Variants in SLC10A7 observed in about 807,000 individuals in gnomAD.
The protein encoded by SLC10A7 is solute carrier family 10 member 7.
A neutral mutation model predicts 43.2 loss-of-function variants in SLC10A7; 29 were observed. The observed-to-expected ratio is 0.67, with a 90% CI of 0.50 to 0.92. The LOEUF (loss-of-function observed/expected upper bound fraction) is 0.92. Among genes scored for constraint, SLC10A7 ranks in the 40% least tolerant of loss-of-function variants. The pLI is 0.00. For synonymous variants in SLC10A7, 152 were observed against 144.8 expected (o/e 1.05, Z -0.35); for missense variants, 295 against 403.2 (o/e 0.73, Z 2.30).
intron 2 of SLC10A7, chr4:146,515,128 C>T (rs750671096): frequency 2.8e-5 from 20 of 702,174 alleles, no homozygotes; most frequent in Admixed American, 1.6e-4. Flanking sequence ...TTGGCTGCTT[C>T]GCAGAATCGC....
chr4:146,481,865 T>A (rs1180261486), intron 4 of SLC10A7, among the ~76,000 whole-genome samples: 3 of 152,194 alleles, frequency 2.0e-5, no homozygotes, highest in African/African-American at 7.2e-5. Flanking sequence ...CTTTGAGCTA[T>A]GCAGACCCAA....
intron 5 of SLC10A7, among the ~76,000 whole-genome samples, chr4:146,405,722 T>C (rs1451247903): frequency 2.6e-4 from 39 of 152,274 alleles, no homozygotes; most frequent in Non-Finnish European, 5.9e-5. Flanking sequence ...ACAAATACCT[T>C]GGATATTCAA....
intron 10 of SLC10A7, among the ~76,000 whole-genome samples, chr4:146,261,427 C>A (rs1038123910): frequency 5.0e-5 from 6 of 120,828 alleles, no homozygotes; most frequent in Non-Finnish European, 2.1e-5. Flanking sequence ...TTTGCCCCCC[C>A]AGCTCCAGCT....
intron 5 of SLC10A7, among the ~76,000 whole-genome samples, chr4:146,366,748 T>C (rs1736419584): frequency 6.6e-6 from 1 of 152,218 alleles, no homozygotes. Context: ...ACTATTTTTA[T>C]AATAAAACAG....
intron 9 of SLC10A7, among the ~76,000 whole-genome samples, chr4:146,292,009 G>A (rs994110725): frequency 1.3e-5 from 2 of 152,224 alleles, no homozygotes; most frequent in Non-Finnish European, 2.9e-5. Context: ...GAGGAACCAG[G>A]ACATGGAGAC....
At chr4:146,446,780 CTAT>C in intron 4 of SLC10A7, among the ~76,000 whole-genome samples, 1 of 151,566 alleles carries the variant, frequency 6.6e-6, no homozygotes, top group African/African-American at 2.4e-5. Context: ...ATCTATCTAT[CTAT>C]CTATCTATCT....
At chr4:146,376,437 C>T (rs530950940) in intron 5 of SLC10A7, among the ~76,000 whole-genome samples, 15 of 152,088 alleles carry the variant, frequency 9.9e-5, no homozygotes, top group African/African-American at 2.9e-4. Flanking sequence ...CACCCTGGCC[C>T]ACCACACCCC....
chr4:146,381,820 A>G (rs1737643242), intron 5 of SLC10A7, among the ~76,000 whole-genome samples: 1 of 152,082 alleles, frequency 6.6e-6, no homozygotes, highest in African/African-American at 2.4e-5. Context: ...CCATATTATC[A>G]ATCACCTAGA....
At chr4:146,491,834 G>A (rs12711436) in intron 4 of SLC10A7, among the ~76,000 whole-genome samples, 111,761 of 152,072 alleles carry the variant, frequency 0.73, 41,466 homozygotes, top group East Asian at 0.83. Context: ...TATTCAGACC[G>A]TTTGTTTGGA....
intron 5 of SLC10A7, among the ~76,000 whole-genome samples, chr4:146,368,394 C>T (rs892950528): frequency 6.6e-6 from 1 of 152,182 alleles, no homozygotes; most frequent in Admixed American, 6.5e-5. Flanking sequence ...CAAATGTTCT[C>T]TCCATGGTAC....
At chr4:146,294,581 C>A (rs1452550666) in intron 7 of SLC10A7, among the ~76,000 whole-genome samples, 2 of 152,178 alleles carry the variant, frequency 1.3e-5, no homozygotes, top group Non-Finnish European at 2.9e-5. Flanking sequence ...GCTAGCAATG[C>A]ACCAGAAGTT....
chr4:146,257,398 T>C (rs900099896), intron 11 of SLC10A7, among the ~76,000 whole-genome samples: 2 of 152,164 alleles, frequency 1.3e-5, no homozygotes, highest in Non-Finnish European at 2.9e-5. Flanking sequence ...GGATCCTGGG[T>C]GCCTAGGGCA....
chr4:146,488,091 T>C (rs1019170759), intron 4 of SLC10A7, among the ~76,000 whole-genome samples: 1 of 151,838 alleles, frequency 6.6e-6, no homozygotes, highest in Non-Finnish European at 1.5e-5. Context: ...CTTGTGACAC[T>C]GAGGCAGGAG....
intron 5 of SLC10A7, among the ~76,000 whole-genome samples, chr4:146,383,425 T>C (rs1042896181): frequency 6.6e-6 from 1 of 152,034 alleles, no homozygotes; most frequent in Non-Finnish European, 1.5e-5. Flanking sequence ...GTAAATAACT[T>C]TGTAATCTCA....
chr4:146,361,839 T>A (rs1157087348), intron 5 of SLC10A7, among the ~76,000 whole-genome samples: 1 of 152,160 alleles, frequency 6.6e-6, no homozygotes, highest in Non-Finnish European at 1.5e-5. Flanking sequence ...GAATTCAACA[T>A]AACACCTGAG....
chr4:146,310,597 T>C (rs867721746), intron 6 of SLC10A7, among the ~76,000 whole-genome samples: 9 of 152,154 alleles, frequency 5.9e-5, no homozygotes, highest in African/African-American at 2.2e-4. Context: ...TTTTTTCCTA[T>C]ATTTGTTGGC....
At chr4:146,454,620 T>C (rs1560924449) in intron 4 of SLC10A7, among the ~76,000 whole-genome samples, 1 of 151,938 alleles carries the variant, frequency 6.6e-6, no homozygotes, top group Non-Finnish European at 1.5e-5. Context: ...TTTTCCTTTG[T>C]GCTTCTCCTA....
chr4:146,311,577 C>T (rs1205541969), intron 6 of SLC10A7, among the ~76,000 whole-genome samples: 1 of 152,106 alleles, frequency 6.6e-6, no homozygotes, highest in Non-Finnish European at 1.5e-5. Context: ...TTCATTAGCA[C>T]CACATTCAGG....
At chr4:146,470,179 C>T (rs1336953433) in intron 4 of SLC10A7, among the ~76,000 whole-genome samples, 1 of 152,048 alleles carries the variant, frequency 6.6e-6, no homozygotes, top group East Asian at 1.9e-4. Context: ...TATTTCTCTC[C>T]TATCTCATGG....
Sources: allele counts gnomAD v4.1 joint callset (sites outside exome capture counted in the v4.1 genomes callset), GRCh38; gene constraint gnomAD v4.1.1; transcripts MANE v1.5; gene names NCBI Gene and HGNC (gene_info 2026-07-23, HGNC 2026-07-21).